SAP18: variants seen among roughly 807,000 people sequenced by gnomAD.
SAP18 encodes histone deacetylase complex subunit SAP18.
A neutral mutation model predicts 18.6 loss-of-function variants in SAP18; 4 were observed. The observed-to-expected ratio is 0.21, with a 90% CI of 0.11 to 0.49. The LOEUF is 0.49. SAP18 is among the 20% of genes least tolerant of loss of function. The pLI is 0.98. For synonymous variants in SAP18, 112 were observed against 82.8 expected (o/e 1.35, Z -1.92); for missense variants, 170 against 226.4 (o/e 0.75, Z 1.60).
intron 2 of SAP18, among the ~76,000 whole-genome samples, chr13:21,142,793 G>A (rs1869516812): frequency 6.6e-6 from 1 of 151,992 alleles, no homozygotes; most frequent in Admixed American, 6.6e-5. Context: ...TCCCCAAGCT[G>A]GATTTGAGCT....
intron 1 of SAP18, 31 bp from the exon 2 acceptor site, chr13:21,140,855 C>T (rs369212638): frequency 1.2e-5 from 19 of 1,597,256 alleles, no homozygotes; most frequent in Non-Finnish European, 1.6e-5. Flanking sequence ...GTGTTTTTAA[C>T]TTCTGCCCTT....
Position 21,144,616 on chromosome 13 carries a change from T to C in SAP18, c.240-2189T>C, listed in dbSNP as rs1869583887. ...TTTAAGGTCAATTGGTTGTTGACTT[T>C]AGTCACATCTATAAAATATCTCACA... is the stretch of plus-strand genomic sequence containing the variant. On this transcript the variant is annotated intron_variant, in intron 2 of 3. Coordinates refer to ENST00000621421, the Ensembl canonical transcript of SAP18. Among the ~76,000 whole-genome samples, 4 of 152,228 alleles carry C rather than the reference T, an allele frequency of 2.6e-5. No individual in the cohort carries two copies. In the South Asian group the frequency reaches 6.2e-4, roughly 24 times the overall value.
intron 2 of SAP18, among the ~76,000 whole-genome samples, chr13:21,142,077 A>G (rs1869488896): frequency 6.8e-6 from 1 of 147,528 alleles, no homozygotes; most frequent in Non-Finnish European, 1.5e-5. Flanking sequence ...ACTTGAGGTC[A>G]GGAGTTCGAG....
At chr13:21,146,615 T>C (rs1869659274) in intron 2 of SAP18, 190 bp from the exon 3 acceptor site, 1 of 415,868 alleles carries the variant, frequency 2.4e-6, no homozygotes, top group Non-Finnish European at 4.3e-6. Context: ...GCAGTAAGGC[T>C]GGTACATGGA....
At chr13:21,140,441 C>T (rs1163551238), upstream of SAP18, 1 of 1,256,778 alleles carries the variant, frequency 8.0e-7, no homozygotes, top group South Asian at 1.5e-5. Context: ...CACGCAGGCG[C>T]GCTCCGGCTC....
At chr13:21,143,690 G>A (rs766824647) in intron 2 of SAP18, among the ~76,000 whole-genome samples, 1 of 152,082 alleles carries the variant, frequency 6.6e-6, no homozygotes, top group Non-Finnish European at 1.5e-5. Flanking sequence ...GTGATTTTTA[G>A]GGTTAAAATG....
At chr13:21,148,920 C>G (rs1869750869) in exon 4 of SAP18, 1 of 152,124 alleles carries the variant, frequency 6.6e-6, no homozygotes, top group South Asian at 2.1e-4. Flanking sequence ...AATATCCCAT[C>G]AAAAGTACAG....
rs113930453 is a variant in SAP18 at position 21,140,883 on chromosome 13, C to A, written c.130-3C>A. The stretch of plus-strand genomic sequence containing the variant: ...CTGCCCTTCCGTTTTCTCTCTCCCT[C>A]AGACATGCCCACTGTTGCTACGGGT... On this transcript the variant is annotated splice_region_variant and splice_polypyrimidine_tract_variant and intron_variant, in intron 1 of 3. Transcript: ENST00000621421. The A allele has an allele frequency of 4.8e-4, 781 of 1,611,376 alleles. No individual in the cohort carries two copies. In the African/African-American group the frequency reaches 8.5e-3, roughly 17 times the overall value.
exon 1 of SAP18, chr13:21,140,607 A>G: frequency 6.8e-6 from 11 of 1,611,750 alleles, no homozygotes; most frequent in Non-Finnish European, 9.3e-6. Context: ...CCGTAGGAGG[A>G]AGATGGCGGT....
In SAP18 at chr13:21,145,177, C is replaced by T. The variant is rs186197306; in HGVS notation, c.240-1628C>T. Reference sequence around the variant, plus strand: ...TGCCTCCCAGGTATAAGCGATTCTCCTGCCTCAGCCTCCTGAGTAGCTGGG... The same window carrying T: ...TGCCTCCCAGGTATAAGCGATTCTCTTGCCTCAGCCTCCTGAGTAGCTGGG... On this transcript the variant is annotated intron_variant, in intron 2 of 3. Coordinates refer to ENST00000621421, the Ensembl canonical transcript of SAP18. 1.2e-3 allele frequency among the ~76,000 whole-genome samples: 184 copies of T among 150,830 alleles called. 1 individual carries two copies. The Middle Eastern group carries it at 0.036, about 29-fold the overall frequency.
exon 4 of SAP18, chr13:21,148,318 C>G (rs546076414): frequency 6.6e-6 from 1 of 152,254 alleles, no homozygotes; most frequent in Admixed American, 6.5e-5. Context: ...TGGTGCCTGA[C>G]AAATGAGAAA....
chr13:21,140,568 G>T (rs772607672), exon 1 of SAP18: 6 of 1,600,456 alleles, frequency 3.7e-6, no homozygotes, highest in African/African-American at 1.3e-5. Flanking sequence ...CGCTGCAGGG[G>T]TCGGAGGTCA....
intron 2 of SAP18, 30 bp downstream of exon 2, chr13:21,141,025 C>T (rs1595288132): frequency 7.0e-7 from 1 of 1,422,176 alleles, no homozygotes; most frequent in South Asian, 1.1e-5. Context: ...CTCAGGGACC[C>T]GGGCCGGGAA....
At chr13:21,140,483 G>C (rs2137333454), upstream of SAP18, 6 of 1,489,444 alleles carry the variant, frequency 4.0e-6, no homozygotes, top group African/African-American at 2.8e-5. Flanking sequence ...GCCTGCGCCA[G>C]GAGACGCCCC....
At chr13:21,140,581 G>A (rs1205129418) in exon 1 of SAP18, 1 of 1,606,180 alleles carries the variant, frequency 6.2e-7, no homozygotes, top group South Asian at 1.1e-5. Flanking sequence ...GGAGGTCAGG[G>A]CGAGCGTCTC....
intron 2 of SAP18, among the ~76,000 whole-genome samples, chr13:21,142,745 C>T (rs953145619): frequency 1.6e-4 from 24 of 152,106 alleles, no homozygotes; most frequent in African/African-American, 5.3e-4. Flanking sequence ...CCCATCCTGC[C>T]TTTTTTTAAT....
chr13:21,144,961 T>C (rs1228738560), intron 2 of SAP18, among the ~76,000 whole-genome samples: 2 of 152,192 alleles, frequency 1.3e-5, no homozygotes, highest in East Asian at 1.9e-4. Flanking sequence ...TATCAGAATA[T>C]AGACTGAGCA....
exon 4 of SAP18, chr13:21,147,504 C>G (rs555282436): frequency 1.5e-6 from 1 of 660,422 alleles, no homozygotes; most frequent in African/African-American, 1.8e-5. Flanking sequence ...TGTATGATTA[C>G]GAATAGTCTG....
intron 2 of SAP18, among the ~76,000 whole-genome samples, chr13:21,145,543 G>C (rs1204975525): frequency 1.3e-5 from 2 of 152,098 alleles, no homozygotes; most frequent in African/African-American, 4.8e-5. Context: ...GTCTCAGTCT[G>C]TCACCCAGGC....
Sources: allele counts gnomAD v4.1 joint callset (sites outside exome capture counted in the v4.1 genomes callset), GRCh38; gene constraint gnomAD v4.1.1; transcripts MANE v1.5; gene names NCBI Gene and HGNC (gene_info 2026-07-23, HGNC 2026-07-21).